The following PCDH15 variants were observed in gnomAD, a reference collection of about 807,000 sequenced individuals.
The protein encoded by PCDH15 is protocadherin-15.
PCDH15 carries 129 observed loss-of-function variants against 178.5 expected under a neutral mutation model. That is an observed-to-expected ratio of 0.72 (90% CI 0.63 to 0.84). The LOEUF (loss-of-function observed/expected upper bound fraction) is 0.84, where lower values mean the gene tolerates loss of function less well. PCDH15 is among the 40% of genes least tolerant of loss of function. The pLI is 0.00. For synonymous variants in PCDH15, 800 were observed against 732.0 expected, an observed-to-expected ratio of 1.09 and a Z score of -1.50; for missense variants, 2,230 against 2,099.9, an observed-to-expected ratio of 1.06 and a Z score of -1.21.
At chr10:55,437,832 C>CTTTTTTTTTTTTTT (rs778307616) in intron 2 of PCDH15, among the ~76,000 whole-genome samples, 3 of 85,174 alleles carry the variant, frequency 3.5e-5, no homozygotes, top group Admixed American at 1.4e-4. Context: ...TATTGCTTTT[C>CTTTTTTTTTTTTTT]TTTTTTTTTT....
At chr10:54,972,129 C>T (rs540277828) in intron 2 of PCDH15, among the ~76,000 whole-genome samples, 75 of 152,252 alleles carry the variant, frequency 4.9e-4, no homozygotes, top group African/African-American at 1.8e-3. Context: ...GTGTAAGGTA[C>T]AATATAGGAA....
chr10:54,081,307 T>G (rs965114143), intron 16 of PCDH15, among the ~76,000 whole-genome samples: 5 of 53,486 alleles, frequency 9.3e-5, no homozygotes, highest in Non-Finnish European at 1.7e-4. Context: ...TATATAGTAT[T>G]TGGAATATAT....
At chr10:54,853,346 CAT>C (rs1212903994) in intron 3 of PCDH15, among the ~76,000 whole-genome samples, 82 of 74,774 alleles carry the variant, frequency 1.1e-3, no homozygotes, top group African/African-American at 3.7e-3. Context: ...CATATATATA[CAT>C]ATATATATAC....
At chr10:54,413,036 G>GA (rs1298966524) in intron 3 of PCDH15, among the ~76,000 whole-genome samples, 1 of 152,180 alleles carries the variant, frequency 6.6e-6, no homozygotes, top group Non-Finnish European at 1.5e-5. Context: ...CTTGCTTACT[G>GA]AACTTTGTAT....
At chr10:54,002,985 G>A (rs185585221) in intron 20 of PCDH15, among the ~76,000 whole-genome samples, 2 of 152,202 alleles carry the variant, frequency 1.3e-5, no homozygotes, top group East Asian at 3.9e-4. Flanking sequence ...CCTGGTCTGT[G>A]GACTCTTTTT....
At position 55,401,787 on chromosome 10, in the gene PCDH15, A is replaced by T. The variant is rs553714276; in HGVS notation, c.-156+225838T>A. Among the ~76,000 whole-genome samples the T allele has an allele frequency of 4.4e-4, 67 of 152,116 alleles. No individual in the cohort carries two copies. The South Asian group carries it at 0.013, about 29-fold the overall frequency. On this transcript the variant is annotated intron_variant, in intron 2 of 5. Coordinates refer to the PCDH15 transcript ENST00000613346. ...TATGCATTATACATTTAGACAAAAC[A>T]TATTGATATTTGGCCATCAATCTTG... is the stretch of plus-strand genomic sequence containing the variant.
At chr10:55,108,309 C>T (rs1012639212) in intron 2 of PCDH15, among the ~76,000 whole-genome samples, 1 of 152,114 alleles carries the variant, frequency 6.6e-6, no homozygotes, top group Admixed American at 6.5e-5. Context: ...TATGCATGTG[C>T]TCATTATAGC....
At position 54,099,706 on chromosome 10, in the gene PCDH15, C is replaced by G. The variant is rs1022542186; in HGVS notation, c.1918-9643G>C. 2.0e-5 allele frequency among the ~76,000 whole-genome samples: 3 copies of G among 151,444 alleles called. No individual in the cohort carries two copies. In the South Asian group the frequency reaches 6.2e-4, roughly 32 times the overall value. On this transcript the variant is annotated intron_variant, in intron 15 of 37. Coordinates refer to ENST00000644397, the MANE Select transcript of PCDH15 (RefSeq NM_001384140.1). The stretch of plus-strand genomic sequence containing the variant: ...ACAAAAACAAAGCATTAATTTGATG[C>G]CCATTATAAACAATATATGTACTGC...
At chr10:55,498,838 C>T (rs1005603808) in intron 2 of PCDH15, among the ~76,000 whole-genome samples, 5 of 151,748 alleles carry the variant, frequency 3.3e-5, no homozygotes, top group Admixed American at 3.3e-4. Context: ...CCATACAGAA[C>T]GGGATGCAGA....
At chr10:53,839,169 C>G (rs927256668) in intron 29 of PCDH15, among the ~76,000 whole-genome samples, 1 of 143,590 alleles carries the variant, frequency 7.0e-6, no homozygotes, top group Non-Finnish European at 1.5e-5. Context: ...CGCCACTGCA[C>G]TCCAGCCTGG....
At chr10:55,516,747 G>A (rs560853246) in intron 2 of PCDH15, among the ~76,000 whole-genome samples, 1 of 152,138 alleles carries the variant, frequency 6.6e-6, no homozygotes, top group East Asian at 1.9e-4. Context: ...CATAATACTT[G>A]ATATTTAGTG....
At chr10:54,123,610 T>G (rs769298595) in intron 15 of PCDH15, among the ~76,000 whole-genome samples, 4 of 152,102 alleles carry the variant, frequency 2.6e-5, no homozygotes, top group Non-Finnish European at 5.9e-5. Flanking sequence ...GAAATCAGTT[T>G]GGAGATTTCT....
intron 11 of PCDH15, among the ~76,000 whole-genome samples, chr10:54,188,443 TAAATC>T (rs2048672266): frequency 6.6e-6 from 1 of 151,876 alleles, no homozygotes; most frequent in Non-Finnish European, 1.5e-5. Context: ...ATTTAAGTGT[TAAATC>T]AATAGGTACA....
chr10:54,424,143 C>G (rs1414078852), intron 3 of PCDH15, among the ~76,000 whole-genome samples: 1 of 151,712 alleles, frequency 6.6e-6, no homozygotes, highest in African/African-American at 2.4e-5. Context: ...CCAGAATCTA[C>G]GAAGAACTCA....
Position 55,186,297 on chromosome 10 carries a change from A to T in PCDH15, c.-155-19646T>A, listed in dbSNP as rs575074032. On this transcript the variant is annotated intron_variant, in intron 1 of 5. Transcript: ENST00000458638. ...TTTTATTTTTAGATGAACAATATTT[A>T]AAAAAAAACTTTTTGCTTTATGTAC... Among the ~76,000 whole-genome samples the T allele has an allele frequency of 1.7e-3, 259 of 149,510 alleles. 1 individual carries two copies. Among genetic ancestry groups the T allele is most frequent in the African/African-American group, 5.5e-3 (228 of 41,224 alleles).
chr10:55,620,668 T>G (rs946341250), intron 2 of PCDH15, among the ~76,000 whole-genome samples: 9 of 151,906 alleles, frequency 5.9e-5, no homozygotes, highest in African/African-American at 2.2e-4. Context: ...AGTAGAATGT[T>G]TCCTAGAGAC....
chr10:54,786,619 T>C (rs961896797), intron 1 of PCDH15, among the ~76,000 whole-genome samples: 1 of 151,990 alleles, frequency 6.6e-6, no homozygotes, highest in African/African-American at 2.4e-5. Context: ...GGGAATATAG[T>C]CATAAGAAAG....
chr10:55,316,031 A>C (rs955595288), intron 1 of PCDH15, among the ~76,000 whole-genome samples: 1 of 152,170 alleles, frequency 6.6e-6, no homozygotes, highest in Non-Finnish European at 1.5e-5. Flanking sequence ...AAAACAAAAC[A>C]AAATAAAAAA....
intron 2 of PCDH15, among the ~76,000 whole-genome samples, chr10:55,448,304 T>C (rs1039566802): frequency 1.3e-5 from 2 of 151,984 alleles, no homozygotes; most frequent in African/African-American, 4.8e-5. Flanking sequence ...AGGTTAGATT[T>C]TTTTTACACT....
Sources: allele counts gnomAD v4.1 joint callset (sites outside exome capture counted in the v4.1 genomes callset), GRCh38; gene constraint gnomAD v4.1.1; transcripts MANE v1.5; gene names NCBI Gene and HGNC (gene_info 2026-07-23, HGNC 2026-07-21).